The following TLN2 variants were observed in gnomAD, a reference collection of about 807,000 sequenced individuals.
TLN2 encodes the protein talin-2.
A neutral mutation model predicts 294.7 loss-of-function variants in TLN2; 118 were observed. The observed-to-expected ratio is 0.40, with a 90% confidence interval of 0.34 to 0.47. The LOEUF (loss-of-function observed/expected upper bound fraction) is 0.47, where lower values mean the gene tolerates loss of function less well. Ranked by LOEUF, TLN2 falls within the 20% of genes least tolerant of loss-of-function variation. The probability of loss-of-function intolerance (pLI) is 0.84; values close to 1 mark genes in which losing one functional copy is unlikely to be tolerated. For synonymous variants in TLN2, 1,431 were observed against 1,304.5 expected (o/e 1.10, Z -2.09); for missense variants, 3,083 against 3,282.2 (o/e 0.94, Z 1.48).
intron 1 of TLN2, among the ~76,000 whole-genome samples, chr15:62,437,626 G>A (rs2035348408): frequency 6.6e-6 from 1 of 152,124 alleles, no homozygotes; most frequent in African/African-American, 2.4e-5. Flanking sequence ...TGTGTCATCT[G>A]GAGCCATTCT....
intron 1 of TLN2, among the ~76,000 whole-genome samples, chr15:62,493,935 T>A (rs189089213): frequency 4.3e-4 from 65 of 152,216 alleles, no homozygotes; most frequent in African/African-American, 1.4e-3. Flanking sequence ...GGTAAGTAAA[T>A]AACAATCTCC....
Position 62,771,117 on chromosome 15 carries a change from G to C in TLN2, c.5350G>C (p.Gly1784Arg). 1 of 1,610,118 alleles carries C rather than the reference G, an allele frequency of 6.2e-7. No homozygotes were observed. The change falls in exon 42 of 59, where the codon GGT becomes CGT. Residue 1784 changes from glycine to arginine, a missense_variant. Gly to Arg is a moderately radical substitution (Grantham distance 125, BLOSUM62 -2). Transcript: ENST00000636159. Reference sequence around the variant, plus strand: ...GCAGATGTTGTATGCAGCCAAAGAAGGTGGCGGAAACCCCAAGGTATGGTC... The same window carrying C: ...GCAGATGTTGTATGCAGCCAAAGAACGTGGCGGAAACCCCAAGGTATGGTC... The part of the protein sequence containing the change: ...ALQMLYAAKE[G>R]GGNPKAQHTH...
chr15:62,750,619 A>G (rs774975333), intron 34 of TLN2, 128 bp downstream of exon 34: 28 of 772,864 alleles, frequency 3.6e-5, no homozygotes, highest in Non-Finnish European at 6.0e-5. Flanking sequence ...CATGAAGCCT[A>G]TTTGTGGAGC....
chr15:62,500,836 A>G (rs1397423894), intron 1 of TLN2, among the ~76,000 whole-genome samples: 1 of 152,232 alleles, frequency 6.6e-6, no homozygotes, highest in Non-Finnish European at 1.5e-5. Context: ...GAGCAGTTAA[A>G]GACGCAGAAG....
intron 45 of TLN2, among the ~76,000 whole-genome samples, chr15:62,785,743 G>A (rs2064599593): frequency 6.6e-6 from 1 of 151,622 alleles, no homozygotes; most frequent in African/African-American, 2.4e-5. Context: ...ACCACCATCT[G>A]CCTTAGGTAG....
chr15:62,797,042 C>A (rs1177657974), intron 47 of TLN2, among the ~76,000 whole-genome samples, 177 bp from the exon 48 acceptor site: 3 of 152,214 alleles, frequency 2.0e-5, no homozygotes, highest in Non-Finnish European at 4.4e-5. Flanking sequence ...TCTTCTCCCC[C>A]CAGTTTTGCA....
chr15:62,748,296 G>C (rs1207312708), intron 32 of TLN2, 55 bp from the exon 33 acceptor site: 1 of 1,328,816 alleles, frequency 7.5e-7, no homozygotes, highest in East Asian at 2.3e-5. Flanking sequence ...AAGCATTGTA[G>C]GGGAAATTAC....
rs187857628 is a variant in TLN2 at position 62,398,038 on chromosome 15, G to T, written c.-238+7353G>T. Among the ~76,000 whole-genome samples the T allele has an allele frequency of 1.2e-4, 18 of 152,234 alleles. No individual in the cohort carries two copies. The East Asian group carries it at 2.9e-3, about 24-fold the overall frequency. On this transcript the variant is annotated intron_variant, in intron 1 of 58. Transcript: ENST00000636159. ...TCCATGGGTCTTGTGCTCTTTTCCA[G>T]CCAGCCGTGTTATGGATGTGATATG...
At chr15:62,658,654 C>T (rs1478280951) in intron 9 of TLN2, among the ~76,000 whole-genome samples, 1 of 152,152 alleles carries the variant, frequency 6.6e-6, no homozygotes, top group African/African-American at 2.4e-5. Context: ...CTACTTAGTT[C>T]TGTATTCTCC....
At chr15:62,672,160 AATG>A (rs1429157683) in intron 9 of TLN2, among the ~76,000 whole-genome samples, 1 of 152,192 alleles carries the variant, frequency 6.6e-6, no homozygotes, top group Non-Finnish European at 1.5e-5. Context: ...AGAGTTGTAT[AATG>A]ATGATTTTGG....
intron 51 of TLN2, 130 bp downstream of exon 51, chr15:62,805,915 G>A: frequency 2.0e-6 from 2 of 1,021,486 alleles, no homozygotes; most frequent in South Asian, 4.4e-5. Flanking sequence ...CAGGGCCAGG[G>A]GTAGTGGCTT....
intron 1 of TLN2, among the ~76,000 whole-genome samples, chr15:62,503,883 C>G (rs2039440518): frequency 1.3e-5 from 2 of 152,314 alleles, no homozygotes; most frequent in South Asian, 4.1e-4. Context: ...CTGCCAGCCT[C>G]CCTTTGATTC....
chr15:62,632,343 A>G (rs957436102), intron 3 of TLN2, among the ~76,000 whole-genome samples: 2 of 152,208 alleles, frequency 1.3e-5, no homozygotes, highest in African/African-American at 4.8e-5. Flanking sequence ...AGGAACCTCA[A>G]GGACTCCTAA....
chr15:62,585,932 C>T (rs773111467), intron 1 of TLN2, among the ~76,000 whole-genome samples: 2 of 152,270 alleles, frequency 1.3e-5, no homozygotes, highest in South Asian at 4.1e-4. Flanking sequence ...AGCTCAGTGA[C>T]TATTGAGCAT....
At chr15:62,494,177 T>C (rs1250004589) in intron 1 of TLN2, among the ~76,000 whole-genome samples, 1 of 152,170 alleles carries the variant, frequency 6.6e-6, no homozygotes, top group African/African-American at 2.4e-5. Flanking sequence ...TGCCTCAGTT[T>C]GGGTGGGCAT....
At chr15:62,439,426 C>T (rs754932126) in intron 1 of TLN2, among the ~76,000 whole-genome samples, 2 of 152,128 alleles carry the variant, frequency 1.3e-5, no homozygotes, top group Admixed American at 6.5e-5. Context: ...GATTATCCTG[C>T]CTCAGCCTCC....
intron 1 of TLN2, among the ~76,000 whole-genome samples, chr15:62,429,380 C>T (rs1007561658): frequency 1.3e-5 from 2 of 152,102 alleles, no homozygotes; most frequent in Non-Finnish European, 2.9e-5. Flanking sequence ...AAAGACTTAT[C>T]GTTTATGAAA....
intron 1 of TLN2, among the ~76,000 whole-genome samples, chr15:62,457,683 G>A (rs771415810): frequency 1.3e-5 from 2 of 152,182 alleles, no homozygotes; most frequent in African/African-American, 2.4e-5. Context: ...ATAAAGCCAC[G>A]GCCAGCAGAG....
intron 1 of TLN2, among the ~76,000 whole-genome samples, chr15:62,465,315 G>C (rs1271519338): frequency 6.6e-6 from 1 of 151,982 alleles, no homozygotes; most frequent in Non-Finnish European, 1.5e-5. Context: ...AGAATCCGTG[G>C]CTTGGTGTGT....
Sources: gnomAD v4.1 joint callset for allele counts (sites outside exome capture counted in the v4.1 genomes callset) on GRCh38, gnomAD v4.1.1 for gene constraint, MANE v1.5 for transcripts, NCBI Gene and HGNC (gene_info 2026-07-23, HGNC 2026-07-21) for gene names.